Variants in PIBF1 observed in about 807,000 individuals in gnomAD.
PIBF1 encodes progesterone-induced-blocking factor 1.
Under a neutral mutation model 112.5 loss-of-function variants are expected in PIBF1, and 90 were observed. That is an observed-to-expected ratio of 0.80 (90% CI 0.67 to 0.95). The LOEUF (loss-of-function observed/expected upper bound fraction) is 0.95, where lower values mean the gene tolerates loss of function less well. Ranked by LOEUF, PIBF1 falls within the 40% of genes least tolerant of loss-of-function variation. The pLI is 0.00. For missense variants in PIBF1, 915 were observed against 852.3 expected, an observed-to-expected ratio of 1.07 and a Z score of -0.92; for synonymous variants, 301 against 288.6, an observed-to-expected ratio of 1.04 and a Z score of -0.44.
At chr13:72,942,076 C>G (rs1022288361) in intron 14 of PIBF1, among the ~76,000 whole-genome samples, 3 of 152,098 alleles carry the variant, frequency 2.0e-5, no homozygotes, top group African/African-American at 7.2e-5. Context: ...CCTCTAACAA[C>G]TGCTAGGAGT....
intron 16 of PIBF1, among the ~76,000 whole-genome samples, chr13:72,981,324 C>G (rs1177981870): frequency 6.7e-6 from 1 of 150,366 alleles, no homozygotes; most frequent in African/African-American, 2.4e-5. Flanking sequence ...CCTCTCAAAG[C>G]TAGAGATTAC....
chr13:72,859,703 G>C (rs996627465), intron 10 of PIBF1, among the ~76,000 whole-genome samples: 1 of 152,186 alleles, frequency 6.6e-6, no homozygotes, highest in African/African-American at 2.4e-5. Flanking sequence ...TATAGGCTTA[G>C]ATGTGAAATG....
At chr13:72,858,528 AC>A (rs1480471213) in intron 10 of PIBF1, among the ~76,000 whole-genome samples, 1 of 152,228 alleles carries the variant, frequency 6.6e-6, no homozygotes, top group Non-Finnish European at 1.5e-5. Context: ...ATGTAGTTGT[AC>A]AAAAGGAAGT....
At chr13:72,906,909 G>C (rs1001840215) in intron 11 of PIBF1, among the ~76,000 whole-genome samples, 2 of 152,012 alleles carry the variant, frequency 1.3e-5, no homozygotes, top group African/African-American at 4.8e-5. Context: ...AGTGGAATTA[G>C]TTTCATCAGC....
intron 6 of PIBF1, among the ~76,000 whole-genome samples, chr13:72,823,596 G>A (rs1011725605): frequency 2.3e-4 from 35 of 152,028 alleles, no homozygotes; most frequent in African/African-American, 8.5e-4. Flanking sequence ...TCTCACAAAT[G>A]TACAAAAGGA....
Position 72,908,697 on chromosome 13 carries a change from C to A in PIBF1, c.1639+16C>A, listed in dbSNP as rs1466550217. On this transcript the variant is annotated intron_variant, in intron 12 of 17. Coordinates refer to ENST00000326291, the MANE Select transcript of PIBF1 (RefSeq NM_006346.4). ...ACTGCAGAAAGTAAGTCTTCCCCCA[C>A]ACACACATGCACAACTTTTTTTTTT... 4.4e-6 allele frequency: 7 copies of A among 1,582,690 alleles called. No individual in the cohort carries two copies. Among genetic ancestry groups the A allele is most frequent in the Non-Finnish European group, 6.0e-6 (7 of 1,169,074 alleles).
chr13:72,972,619 G>A lies in PIBF1; in HGVS notation c.1965-972G>A, dbSNP rs546964248. On this transcript the variant is annotated intron_variant, in intron 15 of 17. Coordinates refer to ENST00000326291, the MANE Select transcript of PIBF1 (RefSeq NM_006346.4). Reference sequence around the variant, plus strand: ...GCAGAGGTTGCAGTGAGCCGAGATCGCGCCACTGCACTCCAGCCTGGGTGA... The same window carrying A: ...GCAGAGGTTGCAGTGAGCCGAGATCACGCCACTGCACTCCAGCCTGGGTGA... 5.3e-5 allele frequency among the ~76,000 whole-genome samples: 8 copies of A among 151,452 alleles called. 1 individual carries two copies. Among genetic ancestry groups the A allele is most frequent in the South Asian group, 4.2e-4 (2 of 4,808 alleles).
At chr13:72,874,427 G>A (rs1413878283) in intron 10 of PIBF1, among the ~76,000 whole-genome samples, 1 of 152,184 alleles carries the variant, frequency 6.6e-6, no homozygotes, top group African/African-American at 2.4e-5. Flanking sequence ...CTACTTATAT[G>A]TGGAAAATAT....
At chr13:72,894,461 A>G (rs2040187161) in intron 11 of PIBF1, among the ~76,000 whole-genome samples, 2 of 152,078 alleles carry the variant, frequency 1.3e-5, no homozygotes, top group African/African-American at 4.8e-5. Flanking sequence ...ATGGAAATAT[A>G]TATCACATTT....
chr13:72,865,341 G>A (rs925192251), intron 10 of PIBF1, among the ~76,000 whole-genome samples: 3 of 152,064 alleles, frequency 2.0e-5, no homozygotes, highest in East Asian at 1.9e-4. Flanking sequence ...CATGAAGCCC[G>A]GCACAGTTCT....
intron 17 of PIBF1, among the ~76,000 whole-genome samples, chr13:73,001,011 A>G (rs2139033632): frequency 6.6e-6 from 1 of 152,334 alleles, no homozygotes; most frequent in Non-Finnish European, 1.5e-5. Context: ...AAGCTCAGCT[A>G]TGTCCTAATG....
intron 15 of PIBF1, among the ~76,000 whole-genome samples, chr13:72,971,696 G>C (rs1169526799): frequency 6.6e-6 from 1 of 152,082 alleles, no homozygotes; most frequent in East Asian, 1.9e-4. Flanking sequence ...ACATACATGA[G>C]TATTATGTTC....
At chr13:72,913,211 G>A (rs964757979) in intron 12 of PIBF1, among the ~76,000 whole-genome samples, 18 of 151,796 alleles carry the variant, frequency 1.2e-4, no homozygotes, top group African/African-American at 4.1e-4. Context: ...TTAAACACAT[G>A]TCTGTACATT....
chr13:72,829,455 A>G (rs964568262), intron 8 of PIBF1, among the ~76,000 whole-genome samples: 14 of 151,978 alleles, frequency 9.2e-5, no homozygotes, highest in Non-Finnish European at 8.8e-5. Flanking sequence ...TGATTTTTGT[A>G]TAAGGTATAA....
chr13:72,945,814 A>T (rs1218398101), intron 14 of PIBF1, among the ~76,000 whole-genome samples: 1 of 152,236 alleles, frequency 6.6e-6, no homozygotes, highest in Non-Finnish European at 1.5e-5. Flanking sequence ...ATGATATCAT[A>T]GTCTATTATC....
Position 72,957,305 on chromosome 13 carries a change from G to A in PIBF1, c.1834-7969G>A, listed in dbSNP as rs190448100. Reference sequence around the variant, plus strand: ...TGAGTGGATAAAGAAAATGTGGTATGTATATATACCATGGAATATTACTCA... The same window carrying A: ...TGAGTGGATAAAGAAAATGTGGTATATATATATACCATGGAATATTACTCA... On this transcript the variant is annotated intron_variant, in intron 14 of 17. Coordinates refer to ENST00000326291, the MANE Select transcript of PIBF1 (RefSeq NM_006346.4). 7.7e-4 allele frequency among the ~76,000 whole-genome samples: 117 copies of A among 152,234 alleles called. No individual in the cohort carries two copies. In the Middle Eastern group the frequency reaches 0.01, roughly 13 times the overall value.
intron 16 of PIBF1, among the ~76,000 whole-genome samples, chr13:72,981,837 A>G (rs2043165230): frequency 6.6e-6 from 1 of 152,208 alleles, no homozygotes; most frequent in African/African-American, 2.4e-5. Context: ...CTCTCATTAA[A>G]TTGTAAGACT....
At position 72,835,409 on chromosome 13, in the gene PIBF1, T is replaced by G. The variant is rs556876800; in HGVS notation, c.1223+41T>G. The stretch of plus-strand genomic sequence containing the variant: ...TGCTTGTATGGTATTTTATTTATCT[T>G]TGGAGGTTTTAGAAGCTTTATTGAA... On this transcript the variant is annotated intron_variant, in intron 9 of 17. Transcript: ENST00000326291. The G allele has an allele frequency of 3.4e-6, 5 of 1,470,372 alleles. No individual in the cohort carries two copies. In the East Asian group the frequency reaches 9.6e-5, roughly 28 times the overall value. 91.1% of individuals were successfully genotyped at this position (1,470,372 alleles called of 1,614,324 possible).
At chr13:72,988,808 G>A (rs1241462453) in intron 16 of PIBF1, among the ~76,000 whole-genome samples, 4 of 152,020 alleles carry the variant, frequency 2.6e-5, no homozygotes, top group Non-Finnish European at 4.4e-5. Flanking sequence ...AGGCTGAGGC[G>A]GGCAGATTGC....
Sources: gnomAD v4.1 joint callset for allele counts (sites outside exome capture counted in the v4.1 genomes callset) on GRCh38, gnomAD v4.1.1 for gene constraint, MANE v1.5 for transcripts, NCBI Gene and HGNC (gene_info 2026-07-23, HGNC 2026-07-21) for gene names.